Variants in PALD1 observed in about 807,000 individuals in gnomAD.
PALD1 encodes the protein phosphatase domain containing paladin 1.
PALD1 carries 57 observed loss-of-function variants against 96.0 expected under a neutral mutation model. The ratio of observed to expected loss-of-function variants is 0.59; its 90% CI spans 0.48 to 0.74. The LOEUF is 0.74. Among genes scored for constraint, PALD1 ranks in the 30% least tolerant of loss-of-function variants. The pLI is 0.00. For missense variants in PALD1, 1,063 were observed against 1,143.7 expected (o/e 0.93, Z 1.02); for synonymous variants, 464 against 473.6 (o/e 0.98, Z 0.26).
At chr10:70,480,926 G>A (rs1305690451) in intron 1 of PALD1, among the ~76,000 whole-genome samples, 2 of 152,196 alleles carry the variant, frequency 1.3e-5, no homozygotes, top group African/African-American at 4.8e-5. Flanking sequence ...GAGGATGGTG[G>A]GGGTGAGCAA....
chr10:70,500,117 C>A (rs1846265755), intron 1 of PALD1, among the ~76,000 whole-genome samples: 1 of 152,180 alleles, frequency 6.6e-6, no homozygotes, highest in Admixed American at 6.5e-5. Flanking sequence ...GGCTCGAGCC[C>A]ACACAGTCTG....
rs1367800057 is a variant in PALD1 at position 70,540,036 on chromosome 10, T to G, written c.1908+274T>G. ...TGGAGTGTGTATTCTGTTACGTATG[T>G]GCATATGTGTTATAAGATGTGTGTA... On this transcript the variant is annotated intron_variant, in intron 15 of 19. Coordinates refer to ENST00000263563, the MANE Select transcript of PALD1 (RefSeq NM_014431.3). The surrounding 1 kb of genome is among the most constrained non-coding windows in gnomAD (Gnocchi z 4.2). 6.6e-6 allele frequency among the ~76,000 whole-genome samples: 1 copy of G among 152,172 alleles called. No homozygotes were observed.
chr10:70,502,543 A>C (rs1023992945), intron 1 of PALD1, among the ~76,000 whole-genome samples: 6 of 152,180 alleles, frequency 3.9e-5, no homozygotes, highest in African/African-American at 7.2e-5. Flanking sequence ...AAGACTAGAA[A>C]TATCTTTCAC....
intron 1 of PALD1, among the ~76,000 whole-genome samples, chr10:70,498,081 C>T (rs907967065): frequency 6.6e-6 from 1 of 152,042 alleles, no homozygotes; most frequent in African/African-American, 2.4e-5. Context: ...ACTAACTCCC[C>T]ACTCCCTCTC....
intron 1 of PALD1, among the ~76,000 whole-genome samples, chr10:70,515,209 G>T (rs145077022): frequency 6.6e-6 from 1 of 152,282 alleles, no homozygotes; most frequent in Non-Finnish European, 1.5e-5. Context: ...CCCAAAGCTG[G>T]TGGGGGCAGA....
At position 70,539,492 on chromosome 10, in the gene PALD1, C is replaced by A; in HGVS notation, c.1726-88C>A. ...CAGGGATGGGACTGGAAGCCAGGGC[C>A]AGGCCTGGCCATGGCAGGCTGTGGC... On this transcript the variant is annotated intron_variant, in intron 14 of 19. Transcript: ENST00000263563. This position sits in a 1 kb window ranked among gnomAD's most constrained non-coding sequence, Gnocchi z 4.5. The A allele has an allele frequency of 2.3e-6, 3 of 1,283,328 alleles. No individual in the cohort carries two copies. The highest frequency in any genetic ancestry group is 3.2e-6 in the Non-Finnish European group (3 of 944,816). The allele number at this position is 1,283,328 out of a possible 1,614,324, so 79.5% of individuals were successfully genotyped here. A position where few individuals can be genotyped will look rare whatever the true frequency, so the allele number is the denominator to read the frequency against.
At chr10:70,490,183 A>G (rs1191586373) in intron 1 of PALD1, among the ~76,000 whole-genome samples, 4 of 151,674 alleles carry the variant, frequency 2.6e-5, no homozygotes, top group East Asian at 1.9e-4. Context: ...TCGGCCTCCC[A>G]TAATGCTGGG....
In PALD1 at chr10:70,534,297, CCA is replaced by C. The variant is rs957493793; in HGVS notation, c.1023-125_1023-124del. On this transcript the variant is annotated intron_variant, in intron 8 of 19. Transcript: ENST00000263563. ...TAGTTGGGGAAATGTCCCCTGCTTC[CCA>C]CAATGTGATTCAGAAGGAACCTGTA... 3 of 771,516 alleles carry C rather than the reference CCA, an allele frequency of 3.9e-6. No individual in the cohort carries two copies. In the African/African-American group the frequency reaches 5.3e-5, roughly 14 times the overall value. 47.8% of individuals were successfully genotyped at this position (771,516 alleles called of 1,614,324 possible).
chr10:70,565,854 C>A (rs764459547), intron 19 of PALD1, among the ~76,000 whole-genome samples: 2 of 152,096 alleles, frequency 1.3e-5, no homozygotes, highest in Non-Finnish European at 2.9e-5. Context: ...TTGGGGGAGC[C>A]TGGGGCCGAG....
chr10:70,553,658 T>G (rs1388575696), intron 18 of PALD1, among the ~76,000 whole-genome samples: 1 of 152,208 alleles, frequency 6.6e-6, no homozygotes, highest in Non-Finnish European at 1.5e-5. Flanking sequence ...GCACTGAGCT[T>G]GCCCAAGAAC....
In PALD1 at chr10:70,539,465, G is replaced by T; in HGVS notation, c.1726-115G>T. 9.1e-7 allele frequency: 1 copy of T among 1,104,578 alleles called. No homozygotes were observed. The highest frequency in any genetic ancestry group is 1.3e-6 in the Non-Finnish European group (1 of 792,964). 68.4% of individuals were successfully genotyped at this position (1,104,578 alleles called of 1,614,324 possible). On this transcript the variant is annotated intron_variant, in intron 14 of 19. Transcript: ENST00000263563. The surrounding 1 kb of genome is among the most constrained non-coding windows in gnomAD (Gnocchi z 4.5). ...GCTGTGACCCCTGAGGCTTGGGGGGGTCAGGGATGGGACTGGAAGCCAGGG... is the reference window on the plus strand; with the variant it reads ...GCTGTGACCCCTGAGGCTTGGGGGGTTCAGGGATGGGACTGGAAGCCAGGG...
At chr10:70,524,545 C>CA (rs1414183305) in intron 1 of PALD1, among the ~76,000 whole-genome samples, 1 of 152,024 alleles carries the variant, frequency 6.6e-6, no homozygotes, top group Admixed American at 6.5e-5. Flanking sequence ...TACAGATAAG[C>CA]AAAAAAGAGA....
chr10:70,489,178 G>A (rs1250933694), intron 1 of PALD1, among the ~76,000 whole-genome samples: 1 of 152,154 alleles, frequency 6.6e-6, no homozygotes, highest in Admixed American at 6.5e-5. Context: ...GCCTACGTGG[G>A]TGGAGGATGG....
chr10:70,550,350 G>A (rs186464417), intron 18 of PALD1, among the ~76,000 whole-genome samples: 14 of 152,178 alleles, frequency 9.2e-5, no homozygotes, highest in Non-Finnish European at 1.9e-4. Context: ...TCACATGTTA[G>A]ACTTGTTAAA....
chr10:70,513,737 C>T (rs974569197), intron 1 of PALD1, among the ~76,000 whole-genome samples: 1 of 152,184 alleles, frequency 6.6e-6, no homozygotes, highest in Non-Finnish European at 1.5e-5. Context: ...CTCAAATTTT[C>T]CCAGTTGTCC....
At chr10:70,559,937 G>A (rs1001302541) in intron 18 of PALD1, among the ~76,000 whole-genome samples, 17 of 151,714 alleles carry the variant, frequency 1.1e-4, no homozygotes, top group Admixed American at 6.5e-5. Context: ...GGGGAGGAGT[G>A]CTCACTGAGC....
the PALD1 span, among the ~76,000 whole-genome samples, chr10:70,460,826 C>T: frequency 2.1e-4 from 32 of 152,274 alleles, no homozygotes; most frequent in African/African-American, 6.5e-4. Context: ...GAGGCCGAGG[C>T]GGGCGGATCA....
Position 70,531,332 on chromosome 10 carries a change from C to T in PALD1, c.511C>T (p.Leu171=), listed in dbSNP as rs770033387. ...FCVREEPVLF[L]RADEDFVSYT... ...TGTGCGGGAGGAACCTGTGCTTTTCCTGCGTGCAGATGAGGACTTTGTGTC... is the reference window on the plus strand; with the variant it reads ...TGTGCGGGAGGAACCTGTGCTTTTCTTGCGTGCAGATGAGGACTTTGTGTC... The change falls in exon 5 of 20, where the codon CTG becomes TTG. Residue 171 remains leucine (L), a synonymous_variant. Transcript: ENST00000263563. The T allele has an allele frequency of 6.8e-6, 11 of 1,613,902 alleles. No homozygotes were observed. The highest frequency in any genetic ancestry group is 1.7e-5 in the Admixed American group (1 of 60,002).
intron 1 of PALD1, among the ~76,000 whole-genome samples, chr10:70,520,863 T>C (rs1218014175): frequency 6.6e-6 from 1 of 151,972 alleles, no homozygotes; most frequent in Non-Finnish European, 1.5e-5. Flanking sequence ...GGCTAATTTT[T>C]GTATTTTTAG....
Sources: gnomAD v4.1 joint callset for allele counts (sites outside exome capture counted in the v4.1 genomes callset) on GRCh38, gnomAD v4.1.1 for gene constraint, Gnocchi (gnomAD v3.1) non-coding constraint, MANE v1.5 for transcripts, NCBI Gene and HGNC (gene_info 2026-07-23, HGNC 2026-07-21) for gene names.